Variants in ITGA5 observed in about 807,000 individuals in gnomAD.
ITGA5 encodes the protein integrin subunit alpha 5.
ITGA5 carries 55 observed loss-of-function variants against 146.3 expected under a neutral mutation model. The observed-to-expected ratio is 0.38, with a 90% CI of 0.30 to 0.47. The LOEUF (loss-of-function observed/expected upper bound fraction) is 0.47, where lower values mean the gene tolerates loss of function less well. Ranked by LOEUF, ITGA5 falls within the 20% of genes least tolerant of loss-of-function variation. The probability of loss-of-function intolerance (pLI) is 0.99; values close to 1 mark genes in which losing one functional copy is unlikely to be tolerated. For missense variants in ITGA5, 1,131 were observed against 1,329.0 expected (o/e 0.85, Z 2.32); for synonymous variants, 500 against 531.8 (o/e 0.94, Z 0.82).
chr12:54,403,012 A>G lies in ITGA5; in HGVS notation c.1953T>C (p.Cys651=). 6.2e-7 allele frequency: 1 copy of G among 1,614,144 alleles called. No individual in the cohort carries two copies. Among genetic ancestry groups the G allele is most frequent in the South Asian group, 1.1e-5 (1 of 91,078 alleles). The stretch of plus-strand genomic sequence containing the variant: ...ACACTTCCAGCTGCAGGTCAGGCAC[A>G]CAGATGTTGTCTTCTCCACAGTCCA... ...ILLDCGEDNI[C]VPDLQLEVFG... Residue 651 remains cysteine (C), a synonymous_variant, in exon 19 of 30, where the codon TGT becomes TGC. Transcript: ENST00000293379. The surrounding 1 kb of genome is among the most constrained non-coding windows in gnomAD (Gnocchi z 4.9).
intron 1 of ITGA5, among the ~76,000 whole-genome samples, chr12:54,418,267 G>A (rs1271616003): frequency 6.6e-6 from 1 of 151,340 alleles, no homozygotes; most frequent in Non-Finnish European, 1.5e-5. Flanking sequence ...GGCTGAGTTC[G>A]CCCCCAGCCC....
chr12:54,418,199 G>C (rs1956030346), intron 1 of ITGA5, among the ~76,000 whole-genome samples: 2 of 151,632 alleles, frequency 1.3e-5, no homozygotes, highest in Admixed American at 6.6e-5. Flanking sequence ...GAGGGAAACC[G>C]CCCACCCCCC....
Position 54,398,708 on chromosome 12 carries a change from G to T in ITGA5, c.2842-10C>A. On this transcript the variant is annotated splice_polypyrimidine_tract_variant and intron_variant, in intron 27 of 29. Coordinates refer to ENST00000293379, the MANE Select transcript of ITGA5 (RefSeq NM_002205.5). ...ATGGCTGGTGCTCCCGCTGTGGGTA[G>T]GGGAAAGTTGGTTAGCACATCCTCT... 1 of 1,583,670 alleles carries T rather than the reference G, an allele frequency of 6.3e-7. No homozygotes were observed. The highest frequency in any genetic ancestry group is 8.6e-7 in the Non-Finnish European group (1 of 1,163,496).
At chr12:54,411,757 G>A (rs1485279329) in intron 2 of ITGA5, 77 bp downstream of exon 2, 14 of 1,288,470 alleles carry the variant, frequency 1.1e-5, no homozygotes, top group East Asian at 5.8e-5. Flanking sequence ...TCCACCCCTC[G>A]CCCCAGGCCC....
chr12:54,395,963 T>C lies in ITGA5; in HGVS notation c.*330A>G, dbSNP rs1024844599. 1.3e-5 allele frequency: 3 copies of C among 238,266 alleles called. No individual in the cohort carries two copies. The highest frequency in any genetic ancestry group is 1.7e-5 in the Non-Finnish European group (2 of 120,302). The allele number at this position is 238,266 out of a possible 1,614,324, so 14.8% of individuals were successfully genotyped here. ...CATGTCTGGCCCAAAGAACTGTGAA[T>C]GGATTTCCTAGTTATCTTTCCAAGT... is the stretch of plus-strand genomic sequence containing the variant. On this transcript the variant is annotated 3_prime_UTR_variant, in exon 30 of 30. Transcript: ENST00000293379.
chr12:54,405,795 G>A, intron 10 of ITGA5, 75 bp downstream of exon 10: 1 of 1,599,616 alleles, frequency 6.3e-7, no homozygotes, highest in Non-Finnish European at 8.6e-7. Context: ...GGGAAGTTGG[G>A]CTGACATTAT....
At position 54,401,477 on chromosome 12, in the gene ITGA5, C is replaced by T; in HGVS notation, c.2389G>A (p.Val797Ile). The T allele has an allele frequency of 6.2e-7, 1 of 1,601,332 alleles. No individual in the cohort carries two copies. The highest frequency in any genetic ancestry group is 2.2e-5 in the East Asian group (1 of 44,838). Residue 797 changes from valine (V) to isoleucine (I), a missense_variant and splice_region_variant, in exon 24 of 30, where the codon GTC becomes ATC. Transcript: ENST00000293379. The surrounding 1 kb of genome is among the most constrained non-coding windows in gnomAD (Gnocchi z 5.0). Reference sequence around the variant, plus strand: ...AATAGCACTGCCTCAGGCTTGGAGACACTAAGGAGGAGGGTGGTTTAGAGG... The same window carrying T: ...AATAGCACTGCCTCAGGCTTGGAGATACTAAGGAGGAGGGTGGTTTAGAGG... ...EAQAQVTLNGVSKPEAVLFPV... is the reference protein window; with the variant it reads ...EAQAQVTLNGISKPEAVLFPV...
At position 54,405,757 on chromosome 12, in the gene ITGA5, G is replaced by A. The variant is rs1422177781; in HGVS notation, c.964-41C>T. The A allele has an allele frequency of 2.5e-6, 4 of 1,609,816 alleles. No individual in the cohort carries two copies. In the Admixed American group the frequency reaches 5.0e-5, roughly 20 times the overall value. Reference sequence around the variant, plus strand: ...GGGCAGCGCTGGGTCAGAACTAGAAGGTTCAATCCACAGGATCAAGAGGGG... The same window carrying A: ...GGGCAGCGCTGGGTCAGAACTAGAAAGTTCAATCCACAGGATCAAGAGGGG... On this transcript the variant is annotated intron_variant, in intron 10 of 29. Transcript: ENST00000293379.
At position 54,419,111 on chromosome 12, in the gene ITGA5, A is replaced by ACAGCAGCGG; in HGVS notation, c.79_87dup (p.Pro27_Leu29dup). On this transcript the variant is annotated inframe_insertion, in exon 1 of 30. Transcript: ENST00000293379. The stretch of plus-strand genomic sequence containing the variant: ...CTGGGTGGCGGCGGCAGCAGCAGCA[A>ACAGCAGCGG]CAGCAGCGGCAGCAGCGGGGGTCGG... The ACAGCAGCGG allele has an allele frequency of 1.3e-6, 2 of 1,592,788 alleles. No homozygotes were observed. The highest frequency in any genetic ancestry group is 1.1e-5 in the South Asian group (1 of 88,696).
rs1248178122 is a variant in ITGA5, at chr12:54,409,512, T to A, written c.435A>T (p.Thr145=). Residue 145 remains threonine (T), a synonymous_variant, in exon 3 of 30, where the codon ACA becomes ACT. Coordinates refer to ENST00000293379, the MANE Select transcript of ITGA5 (RefSeq NM_002205.5). This position sits in a 1 kb window ranked among gnomAD's most constrained non-coding sequence, Gnocchi z 4.7. ...AGATGGAGGAGCCATGGGCTCGAAC[T>A]GTTGCCCCGAACCACTGCAAGGACT... ...EYKSLQWFGA[T]VRAHGSSILA... 1 of 1,614,036 alleles carries A rather than the reference T, an allele frequency of 6.2e-7. No homozygotes were observed. Among genetic ancestry groups the A allele is most frequent in the Non-Finnish European group, 8.5e-7 (1 of 1,179,908 alleles).
chr12:54,398,345 T>C (rs1955740102), intron 28 of ITGA5, among the ~76,000 whole-genome samples: 1 of 152,202 alleles, frequency 6.6e-6, no homozygotes, highest in Non-Finnish European at 1.5e-5. Context: ...CAGGTGTTCC[T>C]ATTATGTGTT....
intron 19 of ITGA5, 95 bp from the exon 20 acceptor site, chr12:54,402,425 G>A (rs1308295524): frequency 8.4e-7 from 1 of 1,194,060 alleles, no homozygotes; most frequent in African/African-American, 1.5e-5. Flanking sequence ...GGCCGGGTGT[G>A]GTGGCTCACA....
chr12:54,398,828 T>A, intron 27 of ITGA5, 130 bp from the exon 28 acceptor site: 1 of 428,310 alleles, frequency 2.3e-6, no homozygotes, highest in Non-Finnish European at 4.1e-6. Flanking sequence ...TCTCTCTCTC[T>A]CTCTCTCTTT....
Position 54,408,102 on chromosome 12 carries a change from T to C in ITGA5, c.817+8A>G, listed in dbSNP as rs754969802. ...CCTCTGCCATCCCTTCCCCACTTGC[T>C]TGCTCACCTAGGTAGCTGTCATCAT... On this transcript the variant is annotated splice_region_variant and intron_variant, in intron 7 of 29. Transcript: ENST00000293379. The C allele has an allele frequency of 3.7e-6, 6 of 1,614,014 alleles. No homozygotes were observed. Among genetic ancestry groups the C allele is most frequent in the Non-Finnish European group, 5.1e-6 (6 of 1,180,028 alleles).
chr12:54,402,087 AGAAGTTCTG>A lies in ITGA5; in HGVS notation c.2134-3_2139del. Reference sequence around the variant, plus strand: ...GCAAAGTAGTCACAGCTCAGGCTGGAGAAGTTCTGGAGATGGGGTGGGCACTGGTCAGGT... The same window carrying A: ...GCAAAGTAGTCACAGCTCAGGCTGGAGAGATGGGGTGGGCACTGGTCAGGT... On this transcript the variant is annotated splice_acceptor_variant and splice_polypyrimidine_tract_variant and coding_sequence_variant and intron_variant, in exon 21 of 30. Transcript: ENST00000293379. LOFTEE classifies it high-confidence loss of function. 1 of 1,614,144 alleles carries A rather than the reference AGAAGTTCTG, an allele frequency of 6.2e-7. No homozygotes were observed. Among genetic ancestry groups the A allele is most frequent in the Non-Finnish European group, 8.5e-7 (1 of 1,180,016 alleles).
At chr12:54,411,760 C>G in intron 2 of ITGA5, 74 bp downstream of exon 2, 1 of 1,344,946 alleles carries the variant, frequency 7.4e-7, no homozygotes, top group Non-Finnish European at 9.8e-7. Flanking sequence ...ACCCCTCGCC[C>G]CAGGCCCCAC....
In ITGA5 at chr12:54,405,918, G is replaced by A. The variant is rs963490103; in HGVS notation, c.915C>T (p.Ile305=). The A allele has an allele frequency of 2.5e-5, 40 of 1,613,870 alleles. No homozygotes were observed. The highest frequency in any genetic ancestry group is 3.2e-5 in the Non-Finnish European group (38 of 1,179,778). Residue 305 remains isoleucine, a synonymous_variant, in exon 10 of 30, where the codon ATC becomes ATT. Coordinates refer to ENST00000293379, the MANE Select transcript of ITGA5 (RefSeq NM_002205.5). ...GGGATCGAATGTCTGAGCCATTAAG[G>A]ATGGTGACCTGGGAGATGAAGAGAT... The part of the protein sequence containing the change: ...KGNLTYGYVT[I]LNGSDIRSLY...
At position 54,409,990 on chromosome 12, in the gene ITGA5, G is replaced by C. The variant is rs1955921462; in HGVS notation, c.350-393C>G. Among the ~76,000 whole-genome samples the C allele has an allele frequency of 6.6e-6, 1 of 152,008 alleles. No individual in the cohort carries two copies. Among genetic ancestry groups the C allele is most frequent in the South Asian group, 2.1e-4 (1 of 4,816 alleles). ...TCCTGCCTCAGCCTCCTCAGTAGCT[G>C]GGATTACAGGTGCGCGTCACCACAC... On this transcript the variant is annotated intron_variant, in intron 2 of 29. Coordinates refer to ENST00000293379, the MANE Select transcript of ITGA5 (RefSeq NM_002205.5). This position sits in a 1 kb window ranked among gnomAD's most constrained non-coding sequence, Gnocchi z 4.7.
Position 54,401,068 on chromosome 12 carries a change from A to G in ITGA5, c.2494-73T>C. On this transcript the variant is annotated intron_variant, in intron 24 of 29. Transcript: ENST00000293379. This position sits in a 1 kb window ranked among gnomAD's most constrained non-coding sequence, Gnocchi z 5.0. ...TGCCCCATTGAGACCCTGGATCACC[A>G]TGGCTCCACTATACCCTGCTGTCAG... The G allele has an allele frequency of 6.8e-7, 1 of 1,460,558 alleles. No homozygotes were observed. 90.5% of individuals were successfully genotyped at this position (1,460,558 alleles called of 1,614,324 possible). A position where few individuals can be genotyped will look rare whatever the true frequency, so the allele number is the denominator to read the frequency against.
Sources: allele counts gnomAD v4.1 joint callset (sites outside exome capture counted in the v4.1 genomes callset), GRCh38; gene constraint gnomAD v4.1.1; non-coding constraint Gnocchi (gnomAD v3.1); transcripts MANE v1.5; gene names NCBI Gene and HGNC (gene_info 2026-07-23, HGNC 2026-07-21).